The following UTS2B variants were observed in gnomAD, a reference collection of about 807,000 sequenced individuals.
UTS2B encodes the protein urotensin 2B.
A neutral mutation model predicts 19.2 loss-of-function variants in UTS2B; 21 were observed. That is an observed-to-expected ratio of 1.09 (90% CI 0.78 to 1.58). UTS2B has a LOEUF of 1.58. Ranked by LOEUF, UTS2B falls within the 40% of genes most tolerant of loss-of-function variation. The pLI, the probability that UTS2B is intolerant of heterozygous loss-of-function variation, is 0.00. For missense variants in UTS2B, 138 were observed against 130.3 expected, an observed-to-expected ratio of 1.06 and a Z score of -0.29; for synonymous variants, 57 against 50.2, an observed-to-expected ratio of 1.14 and a Z score of -0.58.
intron 8 of UTS2B, among the ~76,000 whole-genome samples, chr3:191,269,513 T>G (rs1241563921): frequency 1.3e-5 from 2 of 151,904 alleles, no homozygotes; most frequent in Non-Finnish European, 1.5e-5. Flanking sequence ...TTTTTTTTTT[T>G]TTCTTTTTAA....
chr3:191,280,947 G>C (rs1716368447), intron 5 of UTS2B, among the ~76,000 whole-genome samples: 1 of 152,092 alleles, frequency 6.6e-6, no homozygotes, highest in Non-Finnish European at 1.5e-5. Flanking sequence ...CAGAATCTTT[G>C]ATTCCCAGGC....
intron 8 of UTS2B, among the ~76,000 whole-genome samples, chr3:191,272,996 T>A (rs915243612): frequency 6.6e-6 from 1 of 150,858 alleles, no homozygotes; most frequent in South Asian, 2.1e-4. Context: ...GAAACCCCCA[T>A]CTCTACTAAA....
At chr3:191,274,188 T>C (rs1716168529) in intron 8 of UTS2B, among the ~76,000 whole-genome samples, 1 of 152,176 alleles carries the variant, frequency 6.6e-6, no homozygotes, top group Admixed American at 6.5e-5. Context: ...GCTAAGTCAC[T>C]TAGCAGTTGG....
chr3:191,299,693 G>A (rs1232309011), intron 4 of UTS2B, among the ~76,000 whole-genome samples: 1 of 152,260 alleles, frequency 6.6e-6, no homozygotes, highest in Non-Finnish European at 1.5e-5. Context: ...CCCACACAGA[G>A]TCCCCACTGG....
At chr3:191,317,220 T>A (rs1165062704) in intron 2 of UTS2B, among the ~76,000 whole-genome samples, 1 of 152,126 alleles carries the variant, frequency 6.6e-6, no homozygotes, top group Non-Finnish European at 1.5e-5. Flanking sequence ...CCTGGTGCAC[T>A]CTCCTCAGCT....
At chr3:191,277,096 G>A (rs1716258239) in intron 6 of UTS2B, among the ~76,000 whole-genome samples, 1 of 152,074 alleles carries the variant, frequency 6.6e-6, no homozygotes, top group Non-Finnish European at 1.5e-5. Context: ...GTAGACCATA[G>A]TTCTAGCATG....
upstream of UTS2B, among the ~76,000 whole-genome samples, chr3:191,334,882 T>C (rs1231460711): frequency 2.6e-5 from 4 of 152,164 alleles, no homozygotes; most frequent in African/African-American, 9.7e-5. Flanking sequence ...AACATACAAT[T>C]TTTTACAACT....
intron 4 of UTS2B, among the ~76,000 whole-genome samples, chr3:191,302,688 C>G (rs906454537): frequency 1.3e-5 from 2 of 152,184 alleles, no homozygotes; most frequent in Non-Finnish European, 2.9e-5. Context: ...CTACTGTTTG[C>G]TTTGCTAAGA....
At chr3:191,329,353 T>G in intron 1 of UTS2B, 16 of 285,130 alleles carry the variant, frequency 5.6e-5, no homozygotes, top group East Asian at 1.4e-4. Context: ...CCGCCCGCCT[T>G]TCTGTCTCCT....
At chr3:191,316,008 T>C (rs1717437312) in intron 3 of UTS2B, 28 bp downstream of exon 3, 2 of 152,210 alleles carry the variant, frequency 1.3e-5, no homozygotes, top group Admixed American at 1.3e-4. Flanking sequence ...TTTCTGCAAA[T>C]TGGGTAAGGT....
intron 5 of UTS2B, among the ~76,000 whole-genome samples, chr3:191,281,415 T>A (rs1716381367): frequency 6.6e-6 from 1 of 152,088 alleles, no homozygotes. Context: ...GAGCTACTTT[T>A]TCTATAGAAG....
At chr3:191,270,772 T>C (rs1163875205) in intron 8 of UTS2B, among the ~76,000 whole-genome samples, 2 of 152,180 alleles carry the variant, frequency 1.3e-5, no homozygotes, top group Non-Finnish European at 2.9e-5. Context: ...GGATCTATCA[T>C]AGTGAAATCA....
rs368504721 is a variant in UTS2B at position 191,294,018 on chromosome 3, G to T, written c.-125+10474C>A. On this transcript the variant is annotated intron_variant, in intron 4 of 8. Transcript: ENST00000340524. The stretch of plus-strand genomic sequence containing the variant: ...AGCTACTCGGGTGGCTGAGGCTGGA[G>T]AATCGCTTGAACCTGGGAGGGGGAG... 5.3e-4 allele frequency among the ~76,000 whole-genome samples: 80 copies of T among 151,946 alleles called. 1 individual carries two copies. Among genetic ancestry groups the T allele is most frequent in the African/African-American group, 1.8e-3 (74 of 41,276 alleles).
intron 4 of UTS2B, among the ~76,000 whole-genome samples, chr3:191,298,816 A>G (rs1043593778): frequency 6.6e-6 from 1 of 152,214 alleles, no homozygotes; most frequent in African/African-American, 2.4e-5. Context: ...GTAATAACCA[A>G]AATCTTGATA....
In UTS2B at chr3:191,329,004, G is replaced by C. The variant is rs6779820; in HGVS notation, c.-664-295C>G. The stretch of plus-strand genomic sequence containing the variant: ...CCGGGTGCAAAAAGAGTGTATGAGA[G>C]AGAGGCAAGCATGCAGTAAACATCC... On this transcript the variant is annotated intron_variant, in intron 1 of 8. Coordinates refer to ENST00000340524, the MANE Select transcript of UTS2B (RefSeq NM_198152.5). The C allele has an allele frequency of 0.45, 68,337 of 152,236 alleles. 18,686 individuals are homozygous for C. Among genetic ancestry groups the C allele is most frequent in the East Asian group, 0.92 (4,746 of 5,176 alleles). 9.4% of individuals were successfully genotyped at this position (152,236 alleles called of 1,614,324 possible).
intron 6 of UTS2B, chr3:191,277,618 T>C (rs1013722425): frequency 2.6e-5 from 4 of 152,162 alleles, no homozygotes; most frequent in Non-Finnish European, 4.4e-5. Context: ...TCATTCATCA[T>C]CTGTACTCCA....
intron 2 of UTS2B, among the ~76,000 whole-genome samples, chr3:191,324,226 C>T (rs1260436167): frequency 2.0e-5 from 3 of 152,192 alleles, no homozygotes; most frequent in Admixed American, 2.0e-4. Context: ...AGAGATTCTC[C>T]ACCAGCAAGA....
At chr3:191,306,108 C>A (rs1717133826) in intron 3 of UTS2B, among the ~76,000 whole-genome samples, 1 of 152,100 alleles carries the variant, frequency 6.6e-6, no homozygotes, top group Non-Finnish European at 1.5e-5. Flanking sequence ...TGTGATGCCT[C>A]CAGCTTTGTT....
intron 4 of UTS2B, among the ~76,000 whole-genome samples, chr3:191,286,268 T>C (rs1303635499): frequency 2.0e-5 from 3 of 152,180 alleles, no homozygotes; most frequent in African/African-American, 7.2e-5. Context: ...AAGGAAACTT[T>C]AAACCACATG....
Sources: gnomAD v4.1 joint callset for allele counts (sites outside exome capture counted in the v4.1 genomes callset) on GRCh38, gnomAD v4.1.1 for gene constraint, MANE v1.5 for transcripts, NCBI Gene and HGNC (gene_info 2026-07-23, HGNC 2026-07-21) for gene names.